WDSUB1: variants seen among roughly 807,000 people sequenced by gnomAD.
WDSUB1 encodes the protein WD repeat, SAM and U-box domain-containing protein 1.
WDSUB1 carries 49 observed loss-of-function variants against 53.9 expected under a neutral mutation model. That is an observed-to-expected ratio of 0.91 (90% CI 0.72 to 1.15). WDSUB1 has a LOEUF of 1.15. Among genes scored for constraint, WDSUB1 ranks in the 50% most tolerant of loss-of-function variants. The pLI is 0.00. For missense variants in WDSUB1, 514 were observed against 562.0 expected (o/e 0.91, Z 0.86); for synonymous variants, 194 against 200.6 (o/e 0.97, Z 0.28).
rs763899333 is a variant in WDSUB1 at position 159,236,088 on chromosome 2, G to A, written c.1376C>T (p.Pro459Leu). 9 of 1,613,540 alleles carry A rather than the reference G, an allele frequency of 5.6e-6. No individual in the cohort carries two copies. The highest frequency in any genetic ancestry group is 7.6e-6 in the Non-Finnish European group (9 of 1,179,894). The change falls in exon 11 of 11, where the codon CCA (proline) becomes CTA (leucine). Residue 459 changes from proline (P) to leucine (L), a missense_variant. Physicochemically the swap from Pro to Leu is moderately conservative, Grantham distance 98 (BLOSUM62 -3). Transcript: ENST00000359774. ...NLVLPSAVLT[P>L]NRTLKMAINR... Reference sequence around the variant, plus strand: ...GATGGCCATTTTCAGAGTCCTATTTGGTGTAAGTACCGCTGAAGGAAGAAC... The same window carrying A: ...GATGGCCATTTTCAGAGTCCTATTTAGTGTAAGTACCGCTGAAGGAAGAAC...
intron 5 of WDSUB1, among the ~76,000 whole-genome samples, chr2:159,270,563 G>A (rs1410659380): frequency 1.3e-5 from 2 of 152,174 alleles, no homozygotes; most frequent in African/African-American, 4.8e-5. Flanking sequence ...TCTGACAAGG[G>A]AGTACAACAA....
chr2:159,269,412 A>T (rs1020736444), intron 5 of WDSUB1, among the ~76,000 whole-genome samples: 10 of 152,048 alleles, frequency 6.6e-5, no homozygotes, highest in African/African-American at 2.4e-4. Context: ...CTCAAGTGAT[A>T]GGCCTGCCTC....
At chr2:159,247,920 T>TAA (rs1559532176) in intron 10 of WDSUB1, among the ~76,000 whole-genome samples, 10 of 76,018 alleles carry the variant, frequency 1.3e-4, no homozygotes, top group African/African-American at 6.9e-4. Flanking sequence ...AATATATATA[T>TAA]ATATATAAAT....
At position 159,236,121 on chromosome 2, in the gene WDSUB1, G is replaced by C. The variant is rs369443461; in HGVS notation, c.1343C>G (p.Thr448Arg). ...ISKKKRTSPM[T>R]NLVLPSAVLT... Reference sequence around the variant, plus strand: ...TACCGCTGAAGGAAGAACAAGATTTGTCATGGGACTTGTACGTTTCTTTTT... The same window carrying C: ...TACCGCTGAAGGAAGAACAAGATTTCTCATGGGACTTGTACGTTTCTTTTT... Residue 448 changes from threonine to arginine, a missense_variant, in exon 11 of 11, where the codon ACA (threonine) becomes AGA (arginine). Coordinates refer to ENST00000359774, the MANE Select transcript of WDSUB1 (RefSeq NM_001128212.3). 1 of 1,613,924 alleles carries C rather than the reference G, an allele frequency of 6.2e-7. No homozygotes were observed. The highest frequency in any genetic ancestry group is 8.5e-7 in the Non-Finnish European group (1 of 1,179,942).
At chr2:159,236,847 C>G (rs1034137785) in intron 10 of WDSUB1, among the ~76,000 whole-genome samples, 3 of 152,144 alleles carry the variant, frequency 2.0e-5, no homozygotes, top group Admixed American at 6.6e-5. Context: ...TCTTGAACTC[C>G]TGACCTCAGG....
intron 5 of WDSUB1, among the ~76,000 whole-genome samples, chr2:159,267,476 AT>A (rs1343386811): frequency 3.3e-5 from 5 of 150,120 alleles, no homozygotes; most frequent in Non-Finnish European, 7.4e-5. Flanking sequence ...AATTTCTTTA[AT>A]TTTTTTTTGT....
intron 4 of WDSUB1, among the ~76,000 whole-genome samples, chr2:159,274,230 G>A (rs888188551): frequency 6.6e-5 from 10 of 152,246 alleles, no homozygotes; most frequent in South Asian, 2.1e-4. Flanking sequence ...CTGGCCAAGC[G>A]CAGTGGCCCA....
At position 159,264,827 on chromosome 2, in the gene WDSUB1, T is replaced by C. The variant is rs889046946; in HGVS notation, c.771-4984A>G. Among the ~76,000 whole-genome samples, 23 of 152,296 alleles carry C rather than the reference T, an allele frequency of 1.5e-4. 1 individual carries two copies. The highest frequency in any genetic ancestry group is 2.9e-4 in the Non-Finnish European group (20 of 68,024). Reference sequence around the variant, plus strand: ...GGCCAGGCGCAGTGGTTCACATTTCTAATCACAGCACTTTGGGAGGCTGAG... The same window carrying C: ...GGCCAGGCGCAGTGGTTCACATTTCCAATCACAGCACTTTGGGAGGCTGAG... On this transcript the variant is annotated intron_variant, in intron 5 of 10. Transcript: ENST00000359774.
chr2:159,254,665 C>A (rs1030675478), intron 9 of WDSUB1, among the ~76,000 whole-genome samples: 1 of 152,202 alleles, frequency 6.6e-6, no homozygotes, highest in African/African-American at 2.4e-5. Context: ...TTTGTTGAAT[C>A]TGAAATTATT....
chr2:159,245,116 C>T (rs943825949), intron 10 of WDSUB1, among the ~76,000 whole-genome samples: 3 of 152,010 alleles, frequency 2.0e-5, no homozygotes, highest in Non-Finnish European at 4.4e-5. Context: ...AGTGAAAATC[C>T]GGGCAAGGAA....
chr2:159,252,570 A>C (rs889742477), intron 9 of WDSUB1, among the ~76,000 whole-genome samples: 8 of 152,328 alleles, frequency 5.3e-5, no homozygotes, highest in Admixed American at 4.6e-4. Context: ...TGCCCTTTCA[A>C]CAGGGGGTCA....
chr2:159,248,354 GTA>G lies in WDSUB1; in HGVS notation c.1273+16_1273+17del, dbSNP rs1276651256. 6.2e-7 allele frequency: 1 copy of G among 1,607,878 alleles called. No homozygotes were observed. Among genetic ancestry groups the G allele is most frequent in the Admixed American group, 1.7e-5 (1 of 59,116 alleles). ...AGCACAAAACATCCCCTGCAACTTA[GTA>G]TAGCATCACACATACCTGATGCGAT... is the stretch of plus-strand genomic sequence containing the variant. On this transcript the variant is annotated intron_variant, in intron 10 of 10. Coordinates refer to ENST00000359774, the MANE Select transcript of WDSUB1 (RefSeq NM_001128212.3).
At chr2:159,241,072 T>C (rs2060630919) in intron 10 of WDSUB1, among the ~76,000 whole-genome samples, 1 of 152,168 alleles carries the variant, frequency 6.6e-6, no homozygotes. Context: ...AAAGCATACC[T>C]GAAGTCAGAG....
At position 159,236,136 on chromosome 2, in the gene WDSUB1, C is replaced by G. The variant is rs544324335; in HGVS notation, c.1328G>C (p.Arg443Pro). ...AMENWISKKK[R>P]TSPMTNLVLP... is the part of the protein sequence containing the mutation. ...AACAAGATTTGTCATGGGACTTGTA[C>G]GTTTCTTTTTGCTGATCCAATTTTC... Residue 443 changes from arginine to proline, a missense_variant, in exon 11 of 11, where the codon CGT (arginine) becomes CCT (proline). Arg to Pro is a moderately radical substitution (Grantham distance 103, BLOSUM62 -2). Coordinates refer to ENST00000359774, the MANE Select transcript of WDSUB1 (RefSeq NM_001128212.3). The G allele has an allele frequency of 1.2e-6, 2 of 1,613,300 alleles. No individual in the cohort carries two copies. The highest frequency in any genetic ancestry group is 1.7e-6 in the Non-Finnish European group (2 of 1,179,738).
At chr2:159,237,208 CACTT>C (rs1189774470) in intron 10 of WDSUB1, among the ~76,000 whole-genome samples, 11 of 152,180 alleles carry the variant, frequency 7.2e-5, no homozygotes. Context: ...CTGAAAACAA[CACTT>C]ACTTGGTTTC....
chr2:159,245,601 T>C (rs1251007309), intron 10 of WDSUB1, among the ~76,000 whole-genome samples: 1 of 150,592 alleles, frequency 6.6e-6, no homozygotes, highest in Non-Finnish European at 1.5e-5. Context: ...CAGATAGACA[T>C]AAAAATCAAT....
chr2:159,275,745 G>T, intron 3 of WDSUB1, 107 bp from the exon 4 acceptor site: 1 of 794,874 alleles, frequency 1.3e-6, no homozygotes, highest in South Asian at 2.3e-5. Context: ...TTTAAACCAT[G>T]TTCACAAGTT....
chr2:159,252,140 A>ATGTATT (rs372914218), intron 9 of WDSUB1, among the ~76,000 whole-genome samples: 14 of 76,574 alleles, frequency 1.8e-4, no homozygotes, highest in Admixed American at 9.7e-4. Context: ...CTTTTTAAAA[A>ATGTATT]TTAAAAATTA....
At chr2:159,237,490 C>CA (rs1198183301) in intron 10 of WDSUB1, among the ~76,000 whole-genome samples, 1 of 150,928 alleles carries the variant, frequency 6.6e-6, no homozygotes, top group Admixed American at 6.6e-5. Flanking sequence ...CACTGCACTC[C>CA]AGCCTGGGTG....
Sources: gnomAD v4.1 joint callset for allele counts (sites outside exome capture counted in the v4.1 genomes callset) on GRCh38, gnomAD v4.1.1 for gene constraint, MANE v1.5 for transcripts, NCBI Gene and HGNC (gene_info 2026-07-23, HGNC 2026-07-21) for gene names.